Variants in RASEF observed in about 807,000 individuals in gnomAD.
RASEF encodes the protein RAS and EF-hand domain containing, also known as ras and EF-hand domain-containing protein.
Under a neutral mutation model 90.1 loss-of-function variants are expected in RASEF, and 68 were observed. That is an observed-to-expected ratio of 0.75 (90% CI 0.62 to 0.92). The LOEUF is 0.92. RASEF is among the 40% of genes least tolerant of loss of function. The pLI is 0.00. For synonymous variants in RASEF, 331 were observed against 345.2 expected (o/e 0.96, Z 0.46); for missense variants, 949 against 937.2 (o/e 1.01, Z -0.16).
At chr9:83,155,059 A>G in the RASEF span, among the ~76,000 whole-genome samples, 1 of 152,210 alleles carries the variant, frequency 6.6e-6, no homozygotes, top group African/African-American at 2.4e-5. Flanking sequence ...AGGCACAGCC[A>G]AGGGAGAACA....
chr9:83,039,327 T>C (rs958666099), intron 1 of RASEF, among the ~76,000 whole-genome samples: 4 of 152,176 alleles, frequency 2.6e-5, no homozygotes, highest in Non-Finnish European at 5.9e-5. Context: ...ATCAGTCTCA[T>C]ATCCCCTGTA....
At chr9:83,195,419 A>G in the RASEF span, among the ~76,000 whole-genome samples, 1 of 152,084 alleles carries the variant, frequency 6.6e-6, no homozygotes, top group Non-Finnish European at 1.5e-5. Context: ...GGGAAAGTCA[A>G]TCTCATTTAT....
the RASEF span, among the ~76,000 whole-genome samples, chr9:83,114,876 AC>A: frequency 6.6e-6 from 1 of 152,126 alleles, no homozygotes; most frequent in African/African-American, 2.4e-5. Context: ...CTGTGATCTC[AC>A]CCTGCCTCCA....
chr9:83,077,377 CAA>C, the RASEF span, among the ~76,000 whole-genome samples: 4 of 152,064 alleles, frequency 2.6e-5, no homozygotes, highest in African/African-American at 9.7e-5. Context: ...TGGATAGGAA[CAA>C]GAGGATGAAA....
upstream of RASEF, among the ~76,000 whole-genome samples, chr9:83,066,498 T>G (rs1034233930): frequency 1.3e-5 from 2 of 152,160 alleles, no homozygotes; most frequent in Non-Finnish European, 1.5e-5. Flanking sequence ...AAGAAAGAAA[T>G]AGGAGGTGCT....
At chr9:83,011,241 A>T (rs1361448242) in intron 5 of RASEF, among the ~76,000 whole-genome samples, 1 of 152,182 alleles carries the variant, frequency 6.6e-6, no homozygotes, top group Admixed American at 6.5e-5. Flanking sequence ...GGCAAGTTTA[A>T]AAAACAATCA....
In RASEF at chr9:83,037,437, G is replaced by A. The variant is rs113297172; in HGVS notation, c.432-11516C>T. On this transcript the variant is annotated intron_variant, in intron 1 of 16. Transcript: ENST00000376447. ...TAGAACATACAATCTTATTACGAAC[G>A]CTATTACAAATTCCATGAAAAATAA... Among the ~76,000 whole-genome samples, 854 of 151,838 alleles carry A rather than the reference G, an allele frequency of 5.6e-3. 11 individuals are homozygous for A. The highest frequency in any genetic ancestry group is 0.018 in the African/African-American group (760 of 41,274).
chr9:83,019,182 C>T (rs573448707), intron 3 of RASEF, among the ~76,000 whole-genome samples: 14 of 151,860 alleles, frequency 9.2e-5, no homozygotes, highest in African/African-American at 2.9e-4. Context: ...AGACAGGTCA[C>T]GGTGTGGGTG....
intron 1 of RASEF, chr9:83,054,620 T>TCTGC (rs1156633228): frequency 2.7e-5 from 4 of 150,406 alleles, no homozygotes; most frequent in African/African-American, 1.0e-4. Context: ...GGAGAGGTGC[T>TCTGC]CTGCTTTTTA....
At chr9:83,002,073 T>C (rs1829050245) in intron 9 of RASEF, among the ~76,000 whole-genome samples, 1 of 152,204 alleles carries the variant, frequency 6.6e-6, no homozygotes, top group East Asian at 1.9e-4. Context: ...TTGATTTCCA[T>C]AAGAATCTAA....
At chr9:82,989,914 G>A (rs184836666) in intron 16 of RASEF, among the ~76,000 whole-genome samples, 2 of 152,180 alleles carry the variant, frequency 1.3e-5, no homozygotes, top group East Asian at 3.9e-4. Flanking sequence ...TCATTCTATT[G>A]TACATCCAAA....
chr9:82,992,411 A>G (rs904502509), intron 15 of RASEF, among the ~76,000 whole-genome samples: 9 of 152,262 alleles, frequency 5.9e-5, no homozygotes, highest in African/African-American at 2.2e-4. Context: ...ATGCATTTGT[A>G]TATGGGAATG....
chr9:83,005,881 A>G (rs1409763136), intron 7 of RASEF, among the ~76,000 whole-genome samples: 1 of 152,208 alleles, frequency 6.6e-6, no homozygotes, highest in Admixed American at 6.5e-5. Context: ...GCAGTGTGTT[A>G]TATCAGGCTT....
intron 3 of RASEF, among the ~76,000 whole-genome samples, chr9:83,020,269 G>A (rs1264516975): frequency 6.6e-6 from 1 of 152,198 alleles, no homozygotes; most frequent in Non-Finnish European, 1.5e-5. Context: ...AAGGAAAGGA[G>A]TGAAGAGATA....
At chr9:83,032,787 G>A (rs1368287053) in intron 1 of RASEF, among the ~76,000 whole-genome samples, 2 of 152,086 alleles carry the variant, frequency 1.3e-5, no homozygotes, top group Non-Finnish European at 2.9e-5. Flanking sequence ...AGAGAAAACA[G>A]GTATACCTAA....
Position 83,004,575 on chromosome 9 carries a change from A to G in RASEF, c.1125T>C (p.Asn375=), listed in dbSNP as rs749988916. The G allele has an allele frequency of 6.4e-7, 1 of 1,566,584 alleles. No homozygotes were observed. The highest frequency in any genetic ancestry group is 1.1e-5 in the South Asian group (1 of 90,152). ...SKFNRSLHIN[N]ISPGNTISRS... is the part of the protein sequence containing the mutation. Reference sequence around the variant, plus strand: ...TAGAAATTGTATTCCCTGGTGAGATATTATTTATATGCTGTAATATAGAAG... The same window carrying G: ...TAGAAATTGTATTCCCTGGTGAGATGTTATTTATATGCTGTAATATAGAAG... Residue 375 remains asparagine, a synonymous_variant, in exon 9 of 17, where the codon AAT becomes AAC. Transcript: ENST00000376447.
intron 9 of RASEF, among the ~76,000 whole-genome samples, chr9:83,003,058 G>A (rs544247000): frequency 1.3e-5 from 2 of 151,954 alleles, no homozygotes; most frequent in East Asian, 3.9e-4. Context: ...TTCTTGCGAA[G>A]AACAAAGCCA....
the RASEF span, among the ~76,000 whole-genome samples, chr9:83,148,825 G>C: frequency 6.6e-6 from 1 of 152,194 alleles, no homozygotes; most frequent in Non-Finnish European, 1.5e-5. Context: ...GGGAGCTGGG[G>C]AGAAGACAGC....
At chr9:83,038,028 T>A (rs1224401782) in intron 1 of RASEF, among the ~76,000 whole-genome samples, 1 of 152,054 alleles carries the variant, frequency 6.6e-6, no homozygotes, top group African/African-American at 2.4e-5. Context: ...CTTTTGAGGG[T>A]CTTCCTATCT....
Sources: allele counts gnomAD v4.1 joint callset (sites outside exome capture counted in the v4.1 genomes callset), GRCh38; gene constraint gnomAD v4.1.1; transcripts MANE v1.5; gene names NCBI Gene and HGNC (gene_info 2026-07-23, HGNC 2026-07-21).